Variants in DISP1 observed in about 807,000 individuals in gnomAD.
DISP1 encodes the protein dispatched RND transporter family member 1.
DISP1 carries 30 observed loss-of-function variants against 37.3 expected under a neutral mutation model. That is an observed-to-expected ratio of 0.80 (90% CI 0.60 to 1.09). The LOEUF (loss-of-function observed/expected upper bound fraction) is 1.09. DISP1 is among the 50% of genes least tolerant of loss of function. The pLI is 0.00. For missense variants in DISP1, 1,598 were observed against 1,879.5 expected, an observed-to-expected ratio of 0.85 and a Z score of 2.77; for synonymous variants, 634 against 690.2, an observed-to-expected ratio of 0.92 and a Z score of 1.28.
chr1:222,968,373 A>G (rs1676663805), intron 3 of DISP1, among the ~76,000 whole-genome samples: 1 of 152,184 alleles, frequency 6.6e-6, no homozygotes, highest in African/African-American at 2.4e-5. Context: ...GTTAACTGAG[A>G]GATTTCTGTT....
At chr1:222,844,350 A>G (rs1258983648) in intron 1 of DISP1, among the ~76,000 whole-genome samples, 2 of 152,176 alleles carry the variant, frequency 1.3e-5, no homozygotes, top group Non-Finnish European at 2.9e-5. Flanking sequence ...GGGAAAGAAT[A>G]TGATGGCTAA....
At chr1:222,976,308 A>C (rs1289564008) in intron 3 of DISP1, among the ~76,000 whole-genome samples, 1 of 152,126 alleles carries the variant, frequency 6.6e-6, no homozygotes, top group Non-Finnish European at 1.5e-5. Flanking sequence ...TTACAAATGG[A>C]GGAAGACTGC....
At chr1:222,938,275 A>G (rs1026526399) in intron 2 of DISP1, among the ~76,000 whole-genome samples, 1 of 152,148 alleles carries the variant, frequency 6.6e-6, no homozygotes, top group African/African-American at 2.4e-5. Flanking sequence ...ATCATATACC[A>G]TTACACTTAT....
intron 3 of DISP1, among the ~76,000 whole-genome samples, chr1:222,961,938 A>T (rs575663268): frequency 5.0e-4 from 76 of 152,140 alleles, no homozygotes; most frequent in African/African-American, 1.6e-3. Context: ...CCCAGGAGGC[A>T]GAGGTTGCAG....
chr1:222,890,888 G>C (rs1670902212), intron 1 of DISP1, among the ~76,000 whole-genome samples: 1 of 152,208 alleles, frequency 6.6e-6, no homozygotes, highest in East Asian at 1.9e-4. Context: ...CCATGTGCTT[G>C]TCTGTGTCCA....
At chr1:222,987,260 G>A (rs534433959) in intron 4 of DISP1, among the ~76,000 whole-genome samples, 18 of 152,324 alleles carry the variant, frequency 1.2e-4, no homozygotes, top group Middle Eastern at 3.4e-3. Context: ...ATAGCAGGAG[G>A]AGTAGAATTA....
chr1:222,828,344 C>A (rs142374629), intron 1 of DISP1, among the ~76,000 whole-genome samples: 1 of 151,742 alleles, frequency 6.6e-6, no homozygotes. Context: ...CTATGGTTAC[C>A]GTAGAAATGT....
Position 223,003,011 on chromosome 1 carries a change from TTTGA to T in DISP1, c.1618_1621del (p.Ile540PhefsTer8). The T allele has an allele frequency of 1.2e-6, 2 of 1,613,986 alleles. No homozygotes were observed. The highest frequency in any genetic ancestry group is 1.7e-6 in the Non-Finnish European group (2 of 1,180,046). The stretch of plus-strand genomic sequence containing the variant: ...TGACAATGTTTGCAATAATCAGTTC[TTTGA>T]TTGTTTCCTATTTTCTCTATCGTGT... On this transcript the variant is annotated frameshift_variant, in exon 9 of 9. Coordinates refer to ENST00000675850, the MANE Select transcript of DISP1 (RefSeq NM_001377229.1). LOFTEE classifies it low-confidence loss of function (END_TRUNC). This position sits in a 1 kb window ranked among gnomAD's most constrained non-coding sequence, Gnocchi z 4.3.
chr1:223,000,933 C>T (rs981563023), intron 8 of DISP1, among the ~76,000 whole-genome samples: 1 of 152,020 alleles, frequency 6.6e-6, no homozygotes, highest in Non-Finnish European at 1.5e-5. Flanking sequence ...AGTTTCTTCC[C>T]TGGAACAGCC....
At chr1:222,903,248 C>T (rs796326735) in intron 1 of DISP1, among the ~76,000 whole-genome samples, 72 of 121,198 alleles carry the variant, frequency 5.9e-4, no homozygotes, top group Admixed American at 8.0e-4. Context: ...AATTGAACAA[C>T]GAGAACACAT....
chr1:222,903,068 T>C (rs897549531), intron 1 of DISP1, among the ~76,000 whole-genome samples: 23 of 151,520 alleles, frequency 1.5e-4, no homozygotes, highest in Non-Finnish European at 2.9e-4. Context: ...CCAACAATGA[T>C]AGACTGGATT....
chr1:222,950,319 G>T (rs1015082336), intron 3 of DISP1, among the ~76,000 whole-genome samples: 1 of 152,056 alleles, frequency 6.6e-6, no homozygotes, highest in African/African-American at 2.4e-5. Context: ...ATGTAAGAAA[G>T]GGCCAGGCGC....
At chr1:222,914,033 T>G (rs1000942570) in intron 1 of DISP1, among the ~76,000 whole-genome samples, 1 of 148,878 alleles carries the variant, frequency 6.7e-6, no homozygotes, top group Middle Eastern at 3.5e-3. Context: ...CAAGCTTACA[T>G]AGGTTTTCTC....
chr1:222,976,600 A>AT (rs1190380292), intron 3 of DISP1, among the ~76,000 whole-genome samples: 4 of 151,900 alleles, frequency 2.6e-5, no homozygotes, highest in African/African-American at 4.8e-5. Flanking sequence ...ACTGTCTCAA[A>AT]TTTTTTTAAC....
At position 222,991,593 on chromosome 1, in the gene DISP1, A is replaced by G; in HGVS notation, c.737A>G (p.Tyr246Cys). 6.2e-7 allele frequency: 1 copy of G among 1,613,888 alleles called. No individual in the cohort carries two copies. Among genetic ancestry groups the G allele is most frequent in the South Asian group, 1.1e-5 (1 of 91,078 alleles). Residue 246 changes from tyrosine to cysteine, a missense_variant, in exon 6 of 9, where the codon TAC (tyrosine) becomes TGC (cysteine). Tyr to Cys is a radical substitution (Grantham distance 194). Coordinates refer to ENST00000675850, the MANE Select transcript of DISP1 (RefSeq NM_001377229.1). ...TWNNMVKNTG[Y>C]KATLANYPFK... Reference sequence around the variant, plus strand: ...AATAATATGGTGAAAAATACAGGATACAAAGCAACATTAGCAAATTATCCC... The same window carrying G: ...AATAATATGGTGAAAAATACAGGATGCAAAGCAACATTAGCAAATTATCCC...
At chr1:222,990,473 G>T in intron 4 of DISP1, 152 bp from the exon 5 acceptor site, 1 of 1,078,908 alleles carries the variant, frequency 9.3e-7, no homozygotes, top group Non-Finnish European at 1.4e-6. Flanking sequence ...ATATTGTATT[G>T]ATAAACACCT....
At chr1:222,828,828 A>G (rs1665047868) in intron 1 of DISP1, among the ~76,000 whole-genome samples, 1 of 152,100 alleles carries the variant, frequency 6.6e-6, no homozygotes, top group Admixed American at 6.5e-5. Context: ...TGGCTCTTCT[A>G]TACATTAAAA....
chr1:223,001,186 G>A (rs1679417774), intron 8 of DISP1, among the ~76,000 whole-genome samples: 1 of 152,106 alleles, frequency 6.6e-6, no homozygotes, highest in African/African-American at 2.4e-5. Context: ...GCCTTCTCCA[G>A]GAATAGTGTT....
intron 1 of DISP1, among the ~76,000 whole-genome samples, chr1:222,858,523 TATC>T (rs1185284265): frequency 6.6e-6 from 1 of 152,064 alleles, no homozygotes; most frequent in Non-Finnish European, 1.5e-5. Context: ...CAAAAGAAAG[TATC>T]ATCAGAGTGA....
Sources: gnomAD v4.1 joint callset for allele counts (sites outside exome capture counted in the v4.1 genomes callset) on GRCh38, gnomAD v4.1.1 for gene constraint, Gnocchi (gnomAD v3.1) non-coding constraint, MANE v1.5 for transcripts, NCBI Gene and HGNC (gene_info 2026-07-23, HGNC 2026-07-21) for gene names.